The following AFF4 variants were observed in gnomAD, a reference collection of about 807,000 sequenced individuals.
The protein encoded by AFF4 is ALF transcription elongation factor 4, also known as AF4/FMR2 family member 4.
A neutral mutation model predicts 124.8 loss-of-function variants in AFF4; 13 were observed. The observed-to-expected ratio is 0.10, with a 90% CI of 0.07 to 0.17. The LOEUF is 0.17. AFF4 is among the 10% of genes least tolerant of loss of function. The pLI, the probability that AFF4 is intolerant of heterozygous loss-of-function variation, is 1.00. For synonymous variants in AFF4, 477 were observed against 496.1 expected, an observed-to-expected ratio of 0.96 and a Z score of 0.51; for missense variants, 1,092 against 1,403.8, an observed-to-expected ratio of 0.78 and a Z score of 3.55.
At chr5:132,935,973 A>G (rs1761419192) in intron 2 of AFF4, among the ~76,000 whole-genome samples, 1 of 151,954 alleles carries the variant, frequency 6.6e-6, no homozygotes, top group South Asian at 2.1e-4. Context: ...CTGCCTTTAT[A>G]AAATTAAGTT....
chr5:132,888,966 G>T, intron 14 of AFF4, 113 bp downstream of exon 14: 4 of 947,928 alleles, frequency 4.2e-6, no homozygotes, highest in Non-Finnish European at 6.6e-6. Context: ...AAAGAGCTGG[G>T]ATTACAAGCG....
intron 1 of AFF4, among the ~76,000 whole-genome samples, chr5:132,939,887 T>A (rs1335182108): frequency 6.6e-6 from 1 of 152,034 alleles, no homozygotes; most frequent in African/African-American, 2.4e-5. Flanking sequence ...GTGCTGGGAT[T>A]ACAGGCATGA....
chr5:132,938,323 T>C (rs1203021321), intron 1 of AFF4, among the ~76,000 whole-genome samples: 1 of 151,166 alleles, frequency 6.6e-6, no homozygotes, highest in Non-Finnish European at 1.5e-5. Context: ...TGGAGTGCGG[T>C]GGTGCGATCT....
intron 1 of AFF4, among the ~76,000 whole-genome samples, chr5:132,945,719 T>C (rs1761681963): frequency 6.6e-6 from 1 of 152,086 alleles, no homozygotes; most frequent in Non-Finnish European, 1.5e-5. Context: ...ACCACTGCAC[T>C]GCACTCCAGC....
intron 13 of AFF4, 104 bp from the exon 14 acceptor site, chr5:132,889,277 G>A: frequency 1.4e-6 from 1 of 716,174 alleles, no homozygotes; most frequent in Non-Finnish European, 2.3e-6. Flanking sequence ...AAATTTCATT[G>A]CCTTTCATAA....
At chr5:132,947,136 G>C (rs1761718723) in intron 1 of AFF4, among the ~76,000 whole-genome samples, 1 of 152,154 alleles carries the variant, frequency 6.6e-6, no homozygotes, top group Admixed American at 6.6e-5. Flanking sequence ...GAGCGTTGTG[G>C]CTGGCATCTG....
intron 5 of AFF4, among the ~76,000 whole-genome samples, chr5:132,920,960 T>C (rs1369464683): frequency 6.6e-6 from 1 of 151,950 alleles, no homozygotes. Flanking sequence ...ATCCCGTCTC[T>C]ACTAAAAATA....
intron 1 of AFF4, among the ~76,000 whole-genome samples, chr5:132,947,097 AG>A (rs774573868): frequency 6.6e-6 from 1 of 152,142 alleles, no homozygotes; most frequent in Non-Finnish European, 1.5e-5. Context: ...ACTTTTTGCA[AG>A]TTTAATTTTA....
At chr5:132,931,642 T>G (rs1346137975) in intron 4 of AFF4, among the ~76,000 whole-genome samples, 1 of 152,206 alleles carries the variant, frequency 6.6e-6, no homozygotes, top group African/African-American at 2.4e-5. Context: ...GTGTTAAGAT[T>G]AAAATTTATT....
At chr5:132,906,196 T>C (rs1760667252) in intron 5 of AFF4, among the ~76,000 whole-genome samples, 1 of 152,206 alleles carries the variant, frequency 6.6e-6, no homozygotes, top group Admixed American at 6.5e-5. Context: ...GGAAACATTC[T>C]GGCAGTTCCT....
chr5:132,947,628 A>T (rs1194755745), intron 1 of AFF4, among the ~76,000 whole-genome samples: 1 of 152,238 alleles, frequency 6.6e-6, no homozygotes, highest in Non-Finnish European at 1.5e-5. Context: ...AATTATTTTC[A>T]AACCCAGTAT....
At chr5:132,935,476 G>A (rs961029023) in intron 2 of AFF4, among the ~76,000 whole-genome samples, 5 of 150,960 alleles carry the variant, frequency 3.3e-5, no homozygotes, top group African/African-American at 7.3e-5. Context: ...AAATACAAAC[G>A]TTAGCCGGGT....
intron 17 of AFF4, among the ~76,000 whole-genome samples, 186 bp downstream of exon 17, chr5:132,887,333 CAG>C (rs1455159235): frequency 6.6e-6 from 1 of 152,212 alleles, no homozygotes; most frequent in African/African-American, 2.4e-5. Context: ...GGAAATGGAT[CAG>C]AGACTGACAA....
At chr5:132,933,209 C>A (rs967796880) in intron 3 of AFF4, among the ~76,000 whole-genome samples, 25 of 151,840 alleles carry the variant, frequency 1.6e-4, no homozygotes, top group African/African-American at 5.1e-4. Context: ...ACCAGCCTGA[C>A]CAACATGGTG....
chr5:132,963,030 G>A (rs1283706785), intron 1 of AFF4, among the ~76,000 whole-genome samples: 6 of 152,268 alleles, frequency 3.9e-5, no homozygotes, highest in East Asian at 3.9e-4. Flanking sequence ...GGATTTCTGG[G>A]AATTTTTGTT....
chr5:132,907,416 AATG>A (rs1452070119), intron 5 of AFF4, among the ~76,000 whole-genome samples: 1 of 152,224 alleles, frequency 6.6e-6, no homozygotes, highest in Non-Finnish European at 1.5e-5. Context: ...CTGAGAAAAC[AATG>A]ATAAGCAAAA....
At chr5:132,911,053 T>A (rs1474505034) in intron 5 of AFF4, among the ~76,000 whole-genome samples, 4 of 152,344 alleles carry the variant, frequency 2.6e-5, no homozygotes. Context: ...GTCCTCTACT[T>A]GGGCACTGAA....
chr5:132,883,596 C>T, intron 19 of AFF4, 36 bp from the exon 20 acceptor site: 1 of 1,577,270 alleles, frequency 6.3e-7, no homozygotes, highest in South Asian at 1.1e-5. Context: ...TTCATATGGA[C>T]ATGGTAAGCA....
intron 8 of AFF4, 105 bp from the exon 9 acceptor site, chr5:132,899,246 A>C: frequency 3.7e-6 from 4 of 1,069,738 alleles, no homozygotes; most frequent in Non-Finnish European, 5.6e-6. Flanking sequence ...GGATTCTCTA[A>C]TGTATGCAAC....
Sources: gnomAD v4.1 joint callset for allele counts (sites outside exome capture counted in the v4.1 genomes callset) on GRCh38, gnomAD v4.1.1 for gene constraint, MANE v1.5 for transcripts, NCBI Gene and HGNC (gene_info 2026-07-23, HGNC 2026-07-21) for gene names.